Variants in CSMD1 observed in about 807,000 individuals in gnomAD.
CSMD1 encodes the protein CUB and Sushi multiple domains 1.
CSMD1 carries 213 observed loss-of-function variants against 417.5 expected under a neutral mutation model. The observed-to-expected ratio is 0.51, with a 90% CI of 0.46 to 0.57. The LOEUF is 0.57. Among genes scored for constraint, CSMD1 ranks in the 20% least tolerant of loss-of-function variants. The pLI is 0.00. For missense variants in CSMD1, 6,923 were observed against 4,529.7 expected, an observed-to-expected ratio of 1.53 and a Z score of -15.17; for synonymous variants, 2,862 against 1,736.8, an observed-to-expected ratio of 1.65 and a Z score of -16.11.
chr8:4,363,050 G>C (rs1167721767), intron 3 of CSMD1, among the ~76,000 whole-genome samples: 1 of 152,140 alleles, frequency 6.6e-6, no homozygotes, highest in Non-Finnish European at 1.5e-5. Context: ...ACGGAAGGGA[G>C]AAAATTGAAT....
chr8:3,695,298 G>T (rs949618191), intron 7 of CSMD1, among the ~76,000 whole-genome samples: 1 of 152,082 alleles, frequency 6.6e-6, no homozygotes, highest in African/African-American at 2.4e-5. Flanking sequence ...TGCAGAATTT[G>T]CAAGCTAATG....
At chr8:3,266,315 G>C (rs780651607) in intron 26 of CSMD1, among the ~76,000 whole-genome samples, 3 of 151,528 alleles carry the variant, frequency 2.0e-5, no homozygotes, top group Non-Finnish European at 4.4e-5. Flanking sequence ...CCGTTTAAGA[G>C]AACCACCCGG....
chr8:4,472,905 C>T (rs1800615029), intron 2 of CSMD1, among the ~76,000 whole-genome samples: 1 of 151,734 alleles, frequency 6.6e-6, no homozygotes, highest in Admixed American at 6.6e-5. Flanking sequence ...GAAATTTTTG[C>T]CATAATATTT....
chr8:2,955,632 A>C lies in CSMD1; in HGVS notation c.9951T>G (p.Cys3317Trp), dbSNP rs1415896297. The part of the protein sequence containing the change: ...FLAGGSEHRT[C>W]KADMKWTGKS... ...TTCCTGTCCATTTCATGTCTGCTTT[A>C]CATGTTCTGTGCTCAGATCCCCCTG... is the stretch of plus-strand genomic sequence containing the variant. Residue 3317 changes from cysteine (C) to tryptophan (W), a missense_variant, in exon 64 of 70, where the codon TGT becomes TGG. By Grantham distance (215) the Cys-to-Trp change is radical. Coordinates refer to ENST00000635120, the MANE Select transcript of CSMD1 (RefSeq NM_033225.6). The C allele has an allele frequency of 6.2e-7, 1 of 1,613,748 alleles. No homozygotes were observed. The highest frequency in any genetic ancestry group is 2.2e-5 in the East Asian group (1 of 44,876).
intron 3 of CSMD1, among the ~76,000 whole-genome samples, chr8:4,384,056 G>GT: frequency 6.6e-6 from 1 of 151,924 alleles, no homozygotes; most frequent in Middle Eastern, 3.4e-3. Flanking sequence ...GTTCAGTGTT[G>GT]TTTTTTTTGC....
intron 3 of CSMD1, among the ~76,000 whole-genome samples, chr8:4,033,035 G>C (rs1797430963): frequency 6.8e-6 from 1 of 147,816 alleles, no homozygotes; most frequent in Non-Finnish European, 1.5e-5. Flanking sequence ...TAAAAACATT[G>C]GTCTCTTCAA....
chr8:3,704,601 C>A (rs947622512), intron 7 of CSMD1: 4 of 152,204 alleles, frequency 2.6e-5, no homozygotes, highest in Admixed American at 6.5e-5. Flanking sequence ...CATTTGAGAT[C>A]CCCTCTGCCT....
intron 10 of CSMD1, among the ~76,000 whole-genome samples, chr8:3,562,080 G>T (rs989741857): frequency 6.6e-6 from 1 of 151,524 alleles, no homozygotes; most frequent in Non-Finnish European, 1.5e-5. Context: ...GTAAAAATTC[G>T]GTACCTTCTT....
chr8:4,709,312 A>C (rs1165831377), intron 1 of CSMD1, among the ~76,000 whole-genome samples: 2 of 152,126 alleles, frequency 1.3e-5, no homozygotes, highest in East Asian at 3.9e-4. Context: ...TGAACTATGG[A>C]GGTTGATACC....
chr8:3,725,794 T>C (rs924182501), intron 6 of CSMD1, among the ~76,000 whole-genome samples: 5 of 152,156 alleles, frequency 3.3e-5, no homozygotes, highest in African/African-American at 1.2e-4. Context: ...ACCATTGATC[T>C]AGGAATCTTT....
intron 3 of CSMD1, among the ~76,000 whole-genome samples, chr8:4,374,400 G>A (rs1054927120): frequency 6.6e-6 from 1 of 152,134 alleles, no homozygotes. Flanking sequence ...GAAAGTCATA[G>A]GGGCTGAAGG....
At chr8:3,606,549 T>C (rs1258109235) in intron 8 of CSMD1, among the ~76,000 whole-genome samples, 3 of 152,054 alleles carry the variant, frequency 2.0e-5, no homozygotes, top group Non-Finnish European at 2.9e-5. Flanking sequence ...TTGCTCTGTG[T>C]GAGTCAGTAA....
At position 4,262,221 on chromosome 8, in the gene CSMD1, A is replaced by C. The variant is rs192830199; in HGVS notation, c.415+157732T>G. ...ATTTCAGCCTGTGGACTCACACTTG[A>C]CTTGGATCTGAGAGTGAAACTCCGG... is the stretch of plus-strand genomic sequence containing the variant. On this transcript the variant is annotated intron_variant, in intron 3 of 69. Coordinates refer to ENST00000635120, the MANE Select transcript of CSMD1 (RefSeq NM_033225.6). Among the ~76,000 whole-genome samples the C allele has an allele frequency of 4.0e-3, 612 of 152,212 alleles. 3 individuals are homozygous for C. The highest frequency in any genetic ancestry group is 0.014 in the African/African-American group (576 of 41,530).
chr8:4,826,257 A>G, intron 1 of CSMD1, among the ~76,000 whole-genome samples: 1 of 152,114 alleles, frequency 6.6e-6, no homozygotes, highest in East Asian at 1.9e-4. Context: ...ACAGATGAAC[A>G]TATAAAGAAA....
intron 3 of CSMD1, among the ~76,000 whole-genome samples, chr8:4,330,265 G>C (rs898970020): frequency 2.5e-4 from 32 of 128,108 alleles, no homozygotes; most frequent in Non-Finnish European, 5.4e-4. Flanking sequence ...ACTCTGTCTG[G>C]TTGTACTCTT....
At chr8:4,940,295 A>G (rs1327005418) in intron 1 of CSMD1, among the ~76,000 whole-genome samples, 2 of 152,210 alleles carry the variant, frequency 1.3e-5, no homozygotes, top group African/African-American at 2.4e-5. Flanking sequence ...GCAGAGTAAA[A>G]TGATATGGCT....
At chr8:3,246,109 G>T (rs1159153743) in intron 26 of CSMD1, among the ~76,000 whole-genome samples, 1 of 152,050 alleles carries the variant, frequency 6.6e-6, no homozygotes, top group African/African-American at 2.4e-5. Flanking sequence ...CTGCTAAGAA[G>T]GCACATCGGT....
At chr8:4,633,249 G>C (rs1270069352) in intron 2 of CSMD1, among the ~76,000 whole-genome samples, 2 of 149,106 alleles carry the variant, frequency 1.3e-5, no homozygotes, top group South Asian at 2.1e-4. Context: ...GTGTTCGTTT[G>C]TTTCTTTGTT....
intron 39 of CSMD1, among the ~76,000 whole-genome samples, chr8:3,155,109 AT>A (rs1819436192): frequency 6.6e-6 from 1 of 151,974 alleles, no homozygotes; most frequent in Non-Finnish European, 1.5e-5. Context: ...TTTTGCAAAT[AT>A]AAGTTAATTC....
Sources: gnomAD v4.1 joint callset for allele counts (sites outside exome capture counted in the v4.1 genomes callset) on GRCh38, gnomAD v4.1.1 for gene constraint, MANE v1.5 for transcripts, NCBI Gene and HGNC (gene_info 2026-07-23, HGNC 2026-07-21) for gene names.